The following GOLGA4 variants were observed in gnomAD, a reference collection of about 807,000 sequenced individuals.
The protein encoded by GOLGA4 is golgin subfamily A member 4.
A neutral mutation model predicts 265.9 loss-of-function variants in GOLGA4; 169 were observed. The ratio of observed to expected loss-of-function variants is 0.64; its 90% CI spans 0.56 to 0.72. The LOEUF (loss-of-function observed/expected upper bound fraction) is 0.72. GOLGA4 is among the 30% of genes least tolerant of loss of function. GOLGA4 has a pLI of 0.00. For synonymous variants in GOLGA4, 923 were observed against 855.8 expected (o/e 1.08, Z -1.37); for missense variants, 2,482 against 2,483.4 (o/e 1.00, Z 0.01).
intron 1 of GOLGA4, among the ~76,000 whole-genome samples, chr3:37,248,492 G>A (rs2096725468): frequency 1.3e-5 from 2 of 152,146 alleles, no homozygotes; most frequent in African/African-American, 4.8e-5. Flanking sequence ...AGTGAGGATA[G>A]CCCATTAAGG....
At chr3:37,265,350 T>C (rs192250328) in intron 2 of GOLGA4, among the ~76,000 whole-genome samples, 10 of 152,162 alleles carry the variant, frequency 6.6e-5, no homozygotes, top group Non-Finnish European at 7.4e-5. Flanking sequence ...TTTAAACTTA[T>C]AGAGTTTCAA....
At chr3:37,294,094 C>T (rs912525545) in intron 5 of GOLGA4, among the ~76,000 whole-genome samples, 7 of 152,124 alleles carry the variant, frequency 4.6e-5, no homozygotes, top group South Asian at 2.1e-4. Context: ...CTAAAATGAA[C>T]GGGTAATTAC....
At chr3:37,344,213 T>C (rs553061322) in intron 20 of GOLGA4, among the ~76,000 whole-genome samples, 389 of 152,318 alleles carry the variant, frequency 2.6e-3, no homozygotes, top group Non-Finnish European at 4.7e-3. Flanking sequence ...GCGATTGTCA[T>C]GTTTCAGCCT....
intron 1 of GOLGA4, among the ~76,000 whole-genome samples, chr3:37,245,073 G>T (rs993835753): frequency 6.6e-6 from 1 of 152,250 alleles, no homozygotes; most frequent in East Asian, 1.9e-4. Context: ...GGATTTTCAC[G>T]TCAATGTTGT....
chr3:37,345,354 A>G (rs1018748685), intron 20 of GOLGA4, among the ~76,000 whole-genome samples: 9 of 152,228 alleles, frequency 5.9e-5, no homozygotes, highest in Non-Finnish European at 1.0e-4. Context: ...GGAAACTCCA[A>G]GCAAGCTTAT....
rs1461753365 is a variant in GOLGA4 at position 37,366,144 on chromosome 3, C to T, written c.*98C>T. ...GGTGACTGCTGCTTGGAAAACTGTC[C>T]ACACTTGCTACTCTTTGAGAATGAA... is the stretch of plus-strand genomic sequence containing the variant. On this transcript the variant is annotated 3_prime_UTR_variant, in exon 24 of 24. Coordinates refer to ENST00000361924, the MANE Select transcript of GOLGA4 (RefSeq NM_002078.5). The T allele has an allele frequency of 4.1e-6, 6 of 1,474,270 alleles. No individual in the cohort carries two copies. The African/African-American group carries it at 5.6e-5, about 14-fold the overall frequency. The allele number at this position is 1,474,270 out of a possible 1,614,324, so 91.3% of individuals were successfully genotyped here. A position where few individuals can be genotyped will look rare whatever the true frequency, so the allele number is the denominator to read the frequency against.
chr3:37,288,540 G>A (rs2096856396), intron 4 of GOLGA4, among the ~76,000 whole-genome samples: 1 of 150,380 alleles, frequency 6.6e-6, no homozygotes, highest in South Asian at 2.1e-4. Flanking sequence ...GCAGTGGTGC[G>A]ATCTCGGCTC....
chr3:37,266,055 C>T (rs2096782818), intron 2 of GOLGA4, among the ~76,000 whole-genome samples: 1 of 148,860 alleles, frequency 6.7e-6, no homozygotes, highest in African/African-American at 2.5e-5. Context: ...AAAATTTTAA[C>T]GTTATAATAC....
intron 2 of GOLGA4, among the ~76,000 whole-genome samples, chr3:37,256,443 C>T (rs1471402829): frequency 1.3e-5 from 2 of 151,224 alleles, no homozygotes; most frequent in African/African-American, 2.4e-5. Flanking sequence ...GCACTCCAGC[C>T]TGGGCAATAA....
At chr3:37,347,918 A>G (rs1483188739) in intron 21 of GOLGA4, among the ~76,000 whole-genome samples, 1 of 152,182 alleles carries the variant, frequency 6.6e-6, no homozygotes, top group East Asian at 1.9e-4. Context: ...TGGTAAATAT[A>G]TATTGAATTG....
chr3:37,292,425 C>T (rs972293529), intron 5 of GOLGA4, among the ~76,000 whole-genome samples: 1 of 152,128 alleles, frequency 6.6e-6, no homozygotes, highest in Non-Finnish European at 1.5e-5. Flanking sequence ...CTCATGCCTA[C>T]GCCTGTAATC....
At position 37,302,715 on chromosome 3, in the gene GOLGA4, A is replaced by G. The variant is rs972944131; in HGVS notation, c.1234+383A>G. The G allele has an allele frequency of 2.5e-4, 48 of 192,962 alleles. 1 individual carries two copies. The highest frequency in any genetic ancestry group is 4.6e-4 in the Non-Finnish European group (43 of 94,058). The allele number at this position is 192,962 out of a possible 1,614,324, so 12.0% of individuals were successfully genotyped here. A position where few individuals can be genotyped will look rare whatever the true frequency, so the allele number is the denominator to read the frequency against. On this transcript the variant is annotated intron_variant, in intron 10 of 23. Transcript: ENST00000361924. ...ATTTAAAATTGTAGAACTTCCCAGT[A>G]GGTACAGCATGGTACTTATTAAATA... is the stretch of plus-strand genomic sequence containing the variant.
At chr3:37,304,317 A>G (rs1026473582) in intron 10 of GOLGA4, among the ~76,000 whole-genome samples, 2 of 152,262 alleles carry the variant, frequency 1.3e-5, no homozygotes, top group African/African-American at 2.4e-5. Context: ...TGACTATTTC[A>G]TAAGTATCTC....
intron 2 of GOLGA4, among the ~76,000 whole-genome samples, chr3:37,270,676 G>A (rs779560224): frequency 2.0e-5 from 3 of 151,886 alleles, no homozygotes; most frequent in African/African-American, 7.3e-5. Context: ...ATATTAACTG[G>A]CCAAGAGAAT....
chr3:37,244,317 TCTGCTCTGCTTTTTAAGTCTTG>T (rs1273307774), intron 1 of GOLGA4: 1 of 152,240 alleles, frequency 6.6e-6, no homozygotes, highest in African/African-American at 2.4e-5. Context: ...TGTCCGGAGC[TCTGCTCTGCTTTTTAAGTCTTG>T]CTGCTCTGCG....
At chr3:37,362,543 A>ATT (rs925772867) in intron 23 of GOLGA4, among the ~76,000 whole-genome samples, 1 of 148,818 alleles carries the variant, frequency 6.7e-6, no homozygotes, top group African/African-American at 2.5e-5. Flanking sequence ...GGCCTTATTT[A>ATT]TTTTTTTTTA....
rs116633309 is a variant in GOLGA4, at chr3:37,357,022, G to A, written c.6663+1835G>A. Among the ~76,000 whole-genome samples, 1,197 of 152,070 alleles carry A rather than the reference G, an allele frequency of 7.9e-3. 8 individuals carry two copies. Among genetic ancestry groups the A allele is most frequent in the Non-Finnish European group, 0.014 (924 of 67,940 alleles). ...GATTTGCTTTGATGAAAAACAAATC[G>A]AATTGGTAAATGTAGGTAGTGAATC... On this transcript the variant is annotated intron_variant, in intron 22 of 23. Coordinates refer to ENST00000361924, the MANE Select transcript of GOLGA4 (RefSeq NM_002078.5).
At chr3:37,275,575 G>A (rs1339741439) in intron 2 of GOLGA4, 24 of 1,178,470 alleles carry the variant, frequency 2.0e-5, no homozygotes, top group Admixed American at 3.6e-5. Context: ...GCCTAGGCCC[G>A]GGCCTGCGGT....
In GOLGA4 at chr3:37,342,379, G is replaced by T. The variant is rs941373656; in HGVS notation, c.6472+2180G>T. Among the ~76,000 whole-genome samples, 37 of 151,936 alleles carry T rather than the reference G, an allele frequency of 2.4e-4. 1 individual carries two copies. Among genetic ancestry groups the T allele is most frequent in the Admixed American group, 2.0e-4 (3 of 15,256 alleles). ...AAAGAGTAAATTGAGCACCTATCTT[G>T]CAGTACAAAATAAAACATTCCTAGT... On this transcript the variant is annotated intron_variant, in intron 20 of 23. Coordinates refer to ENST00000361924, the MANE Select transcript of GOLGA4 (RefSeq NM_002078.5).
Sources: allele counts gnomAD v4.1 joint callset (sites outside exome capture counted in the v4.1 genomes callset), GRCh38; gene constraint gnomAD v4.1.1; transcripts MANE v1.5; gene names NCBI Gene and HGNC (gene_info 2026-07-23, HGNC 2026-07-21).